Variants in PCDH7 observed in about 807,000 individuals in gnomAD.
PCDH7 encodes protocadherin-7.
In PCDH7, 17 loss-of-function variants were observed where a neutral mutation model predicts 58.9. The ratio of observed to expected loss-of-function variants is 0.29; its 90% CI spans 0.20 to 0.43. PCDH7 has a LOEUF of 0.43. Among genes scored for constraint, PCDH7 ranks in the 20% least tolerant of loss-of-function variants. The pLI is 1.00. For missense variants in PCDH7, 1,274 were observed against 1,441.0 expected (o/e 0.88, Z 1.88); for synonymous variants, 664 against 616.4 (o/e 1.08, Z -1.14).
intron 2 of PCDH7, among the ~76,000 whole-genome samples, chr4:30,933,034 T>TTTCTTTC (rs1491374050): frequency 1.4e-3 from 15 of 10,854 alleles, no homozygotes; most frequent in African/African-American, 8.4e-3. Flanking sequence ...TCTTTCTTTC[T>TTTCTTTC]TTTTTTTTTT....
intron 1 of PCDH7, among the ~76,000 whole-genome samples, chr4:30,906,522 T>G (rs930435561): frequency 1.7e-4 from 26 of 152,276 alleles, no homozygotes; most frequent in African/African-American, 6.3e-4. Context: ...AGAGCTATAA[T>G]GGATAAATGC....
At chr4:31,116,722 A>C (rs757168619) in intron 3 of PCDH7, among the ~76,000 whole-genome samples, 4 of 152,218 alleles carry the variant, frequency 2.6e-5, no homozygotes, top group Non-Finnish European at 5.9e-5. Flanking sequence ...AAATATACAA[A>C]CCAAGGTGAG....
At chr4:30,960,825 C>T (rs1233819645) in intron 3 of PCDH7, among the ~76,000 whole-genome samples, 1 of 152,012 alleles carries the variant, frequency 6.6e-6, no homozygotes, top group Non-Finnish European at 1.5e-5. Flanking sequence ...AACACTAGGA[C>T]TATAAAAGAG....
intron 3 of PCDH7, among the ~76,000 whole-genome samples, chr4:30,998,057 A>G (rs1187839648): frequency 6.6e-6 from 1 of 152,172 alleles, no homozygotes; most frequent in Non-Finnish European, 1.5e-5. Flanking sequence ...TGCCAGGGGA[A>G]GCTTGAGCAT....
chr4:31,068,562 T>G (rs1171477009), intron 3 of PCDH7, among the ~76,000 whole-genome samples: 2 of 151,958 alleles, frequency 1.3e-5, no homozygotes, highest in Non-Finnish European at 1.5e-5. Context: ...CAGAGTAAAT[T>G]GCTGTGGCCA....
intron 3 of PCDH7, among the ~76,000 whole-genome samples, chr4:31,098,712 A>G (rs1714499529): frequency 6.6e-6 from 1 of 152,206 alleles, no homozygotes; most frequent in African/African-American, 2.4e-5. Context: ...TGCCTCTGAC[A>G]TGGAATAGAT....
At chr4:30,798,886 T>C (rs1725141716) in intron 1 of PCDH7, among the ~76,000 whole-genome samples, 1 of 152,246 alleles carries the variant, frequency 6.6e-6, no homozygotes, top group Non-Finnish European at 1.5e-5. Context: ...TTAAAAATAA[T>C]TTGTTTGCTT....
chr4:30,751,850 C>T (rs953427861), intron 1 of PCDH7, among the ~76,000 whole-genome samples: 1 of 152,108 alleles, frequency 6.6e-6, no homozygotes, highest in African/African-American at 2.4e-5. Flanking sequence ...TTAGTCCTAA[C>T]AAATATTTTG....
At chr4:31,115,059 C>A (rs1261053425) in intron 3 of PCDH7, among the ~76,000 whole-genome samples, 1 of 152,200 alleles carries the variant, frequency 6.6e-6, no homozygotes, top group African/African-American at 2.4e-5. Context: ...TTCAGTTTTG[C>A]TGTCACTTCT....
chr4:30,735,183 T>C (rs1716080115), downstream of PCDH7, among the ~76,000 whole-genome samples: 1 of 152,112 alleles, frequency 6.6e-6, no homozygotes, highest in Admixed American at 6.5e-5. Flanking sequence ...TTTCTGAATA[T>C]CATTATCTGG....
intron 3 of PCDH7, among the ~76,000 whole-genome samples, chr4:31,123,606 C>G (rs1717937056): frequency 2.0e-5 from 3 of 152,314 alleles, no homozygotes; most frequent in Admixed American, 6.5e-5. Flanking sequence ...GTGTTACAAA[C>G]AGTGCTCTTT....
At chr4:30,754,184 G>GTT (rs1176459021) in intron 1 of PCDH7, among the ~76,000 whole-genome samples, 1,625 of 140,354 alleles carry the variant, frequency 0.012, 30 homozygotes, top group African/African-American at 0.047. Context: ...GTGTGTGTGT[G>GTT]TGTGTTTTTT....
At chr4:30,750,118 T>C (rs76781433) in intron 1 of PCDH7, among the ~76,000 whole-genome samples, 3,671 of 152,264 alleles carry the variant, frequency 0.024, 216 homozygotes, top group East Asian at 0.22. Context: ...AGAATGTAGA[T>C]AATGCCATGT....
chr4:30,915,212 C>T (rs879782467), intron 1 of PCDH7, among the ~76,000 whole-genome samples: 1 of 152,160 alleles, frequency 6.6e-6, no homozygotes, highest in Non-Finnish European at 1.5e-5. Context: ...TTTGTTTTAA[C>T]TTCTACCCTA....
chr4:30,897,299 A>G (rs1739578474), intron 1 of PCDH7, among the ~76,000 whole-genome samples: 1 of 152,140 alleles, frequency 6.6e-6, no homozygotes, highest in African/African-American at 2.4e-5. Context: ...CGAGGTTTAA[A>G]CATCATTCTG....
intron 1 of PCDH7, among the ~76,000 whole-genome samples, chr4:30,818,030 C>T (rs1727911844): frequency 6.6e-6 from 1 of 152,268 alleles, no homozygotes; most frequent in East Asian, 1.9e-4. Flanking sequence ...CCTCCTTGTT[C>T]TTGCAACAAG....
At chr4:30,773,215 T>C (rs1392522125) in intron 1 of PCDH7, among the ~76,000 whole-genome samples, 3 of 152,216 alleles carry the variant, frequency 2.0e-5, no homozygotes, top group Non-Finnish European at 4.4e-5. Context: ...CTTTCTATTT[T>C]ATAGTGAAGA....
chr4:30,957,401 A>G (rs1747971392), intron 3 of PCDH7, among the ~76,000 whole-genome samples: 1 of 152,182 alleles, frequency 6.6e-6, no homozygotes, highest in South Asian at 2.1e-4. Flanking sequence ...GCTGAGTATA[A>G]TAGCAACATA....
intron 3 of PCDH7, among the ~76,000 whole-genome samples, chr4:30,968,362 T>C (rs1307809724): frequency 1.9e-5 from 2 of 108,098 alleles, no homozygotes; most frequent in African/African-American, 4.3e-5. Flanking sequence ...ACACACACTA[T>C]ATATATACAC....
Sources: allele counts gnomAD v4.1 joint callset (sites outside exome capture counted in the v4.1 genomes callset), GRCh38; gene constraint gnomAD v4.1.1; transcripts MANE v1.5; gene names NCBI Gene and HGNC (gene_info 2026-07-23, HGNC 2026-07-21).